ZNF184: variants seen among roughly 807,000 people sequenced by gnomAD.
The protein encoded by ZNF184 is zinc finger protein 184 (Kruppel-like).
Under a neutral mutation model 54.4 loss-of-function variants are expected in ZNF184, and 16 were observed. That is an observed-to-expected ratio of 0.29 (90% CI 0.20 to 0.45). The LOEUF is 0.45. ZNF184 is among the 20% of genes least tolerant of loss of function. The pLI, the probability that ZNF184 is intolerant of heterozygous loss-of-function variation, is 1.00. For synonymous variants in ZNF184, 254 were observed against 295.3 expected (o/e 0.86, Z 1.43); for missense variants, 681 against 888.2 (o/e 0.77, Z 2.97).
chr6:27,428,379 G>A, the ZNF184 span, among the ~76,000 whole-genome samples: 1 of 152,140 alleles, frequency 6.6e-6, no homozygotes. This position sits in a 1 kb window ranked among gnomAD's most constrained non-coding sequence, Gnocchi z 4.1. Flanking sequence ...AAATCACCAT[G>A]CACACGTTTA....
Position 27,452,660 on chromosome 6 carries a change from T to C in ZNF184, c.899A>G (p.His300Arg), listed in dbSNP as rs1319292157. Reference protein sequence around the residue: ...GPSLTQHQRIHTGEKPYKCDE... With the variant: ...GPSLTQHQRIRTGEKPYKCDE... ...ACATTTATATGGTTTTTCTCCAGTA[T>C]GAATTCTTTGATGTTGAGTAAGAGA... is the stretch of plus-strand genomic sequence containing the variant. Residue 300 changes from histidine to arginine, a missense_variant, in exon 6 of 6, where the codon CAT becomes CGT. By Grantham distance (29) the His-to-Arg change is conservative. Coordinates refer to ENST00000683788, the MANE Select transcript of ZNF184 (RefSeq NM_001318891.2). This position sits in a 1 kb window ranked among gnomAD's most constrained non-coding sequence, Gnocchi z 5.5. 8 of 1,613,876 alleles carry C rather than the reference T, an allele frequency of 5.0e-6. No individual in the cohort carries two copies. Among genetic ancestry groups the C allele is most frequent in the Non-Finnish European group, 6.8e-6 (8 of 1,179,988 alleles).
At chr6:27,405,170 T>C in the ZNF184 span, 1 of 152,116 alleles carries the variant, frequency 6.6e-6, no homozygotes. Context: ...TATTTTAGAG[T>C]GTACTTCTAC....
At chr6:27,450,291 T>C (rs1156820699), downstream of ZNF184, among the ~76,000 whole-genome samples, 1 of 152,202 alleles carries the variant, frequency 6.6e-6, no homozygotes, top group African/African-American at 2.4e-5. Flanking sequence ...CCAGGTGTTA[T>C]GGACTTAATA....
the ZNF184 span, among the ~76,000 whole-genome samples, chr6:27,417,538 C>T: frequency 6.6e-6 from 1 of 152,120 alleles, no homozygotes; most frequent in Non-Finnish European, 1.5e-5. Flanking sequence ...GACCTTGGCT[C>T]AGAACTTTGA....
At position 27,450,991 on chromosome 6, in the gene ZNF184, C is replaced by A; in HGVS notation, c.*312G>T. The A allele has an allele frequency of 4.3e-6, 1 of 232,144 alleles. No homozygotes were observed. Among genetic ancestry groups the A allele is most frequent in the Non-Finnish European group, 8.3e-6 (1 of 120,418 alleles). The allele number at this position is 232,144 out of a possible 1,614,324, so 14.4% of individuals were successfully genotyped here. A position where few individuals can be genotyped will look rare whatever the true frequency, so the allele number is the denominator to read the frequency against. On this transcript the variant is annotated 3_prime_UTR_variant, in exon 6 of 6. Transcript: ENST00000683788. ...CAGCAAAATGCTGATGTATAGTAAA[C>A]CCATTCAAGAAAATATTGTAAATAT... is the stretch of plus-strand genomic sequence containing the variant.
chr6:27,470,694 A>G (rs976475054), intron 2 of ZNF184, among the ~76,000 whole-genome samples: 12 of 152,218 alleles, frequency 7.9e-5, no homozygotes, highest in African/African-American at 2.7e-4. Flanking sequence ...ACAGCAACCA[A>G]CAGAACCAAA....
At chr6:27,412,191 G>A in the ZNF184 span, among the ~76,000 whole-genome samples, 2 of 152,164 alleles carry the variant, frequency 1.3e-5, 1 homozygote, top group East Asian at 3.8e-4. Flanking sequence ...TCCTGGAACT[G>A]GCCAGCATCT....
rs1338173382 is a variant in ZNF184 at position 27,452,103 on chromosome 6, A to G, written c.1456T>C (p.Cys486Arg). 3.1e-6 allele frequency: 5 copies of G among 1,614,004 alleles called. No homozygotes were observed. The Admixed American group carries it at 6.7e-5, about 22-fold the overall frequency. ...CNECGKAFSY[C>R]SSLTQHRRIH... ...CTCCGATGTTGAGTAAGGGATGAGC[A>G]GTAACTGAAGGCCTTTCCACATTCA... The change falls in exon 6 of 6, where the codon TGC (cysteine) becomes CGC (arginine). Residue 486 changes from cysteine to arginine, a missense_variant. By Grantham distance (180) the Cys-to-Arg change is radical. Transcript: ENST00000683788. This position sits in a 1 kb window ranked among gnomAD's most constrained non-coding sequence, Gnocchi z 5.5.
At chr6:27,437,629 A>G in the ZNF184 span, among the ~76,000 whole-genome samples, 2 of 152,218 alleles carry the variant, frequency 1.3e-5, no homozygotes, top group African/African-American at 4.8e-5. Context: ...TTTAAGCCAC[A>G]AAGTTTGTAG....
At chr6:27,408,085 A>G in the ZNF184 span, 27 of 767,026 alleles carry the variant, frequency 3.5e-5, no homozygotes, top group East Asian at 6.7e-4. Flanking sequence ...ACTCATTTCT[A>G]ACTACTGCTG....
chr6:27,435,503 T>C, the ZNF184 span, among the ~76,000 whole-genome samples: 1 of 152,240 alleles, frequency 6.6e-6, no homozygotes, highest in South Asian at 2.1e-4. Flanking sequence ...ATTCTGCAAC[T>C]TTGCTGAATT....
At chr6:27,445,421 G>T in the ZNF184 span, among the ~76,000 whole-genome samples, 2 of 152,144 alleles carry the variant, frequency 1.3e-5, no homozygotes, top group Non-Finnish European at 2.9e-5. Flanking sequence ...CCATTGTGAC[G>T]GTAATAAGAG....
At chr6:27,405,958 G>A in the ZNF184 span, 1 of 152,178 alleles carries the variant, frequency 6.6e-6, no homozygotes, top group African/African-American at 2.4e-5. Flanking sequence ...CACCCAGAGG[G>A]CTTATGTCAT....
chr6:27,422,157 A>T, the ZNF184 span, among the ~76,000 whole-genome samples: 1 of 32,760 alleles, frequency 3.1e-5, no homozygotes, highest in East Asian at 8.6e-4. Flanking sequence ...AAAAAGAAAG[A>T]AAGAAAGAAA....
chr6:27,407,983 A>G, the ZNF184 span: 1 of 1,494,986 alleles, frequency 6.7e-7, no homozygotes, highest in East Asian at 2.3e-5. Context: ...GAATTTGCAA[A>G]ATCACTGCAG....
rs1383249217 is a variant in ZNF184 at position 27,452,033 on chromosome 6, T to C, written c.1526A>G (p.Lys509Arg). ...EKPFECSECG[K>R]AFSYLSNLNQ... Reference sequence around the variant, plus strand: ...AAGGTTTGAGAGATAACTGAAAGCCTTTCCACATTCACTGCATTCAAAGGG... The same window carrying C: ...AAGGTTTGAGAGATAACTGAAAGCCCTTCCACATTCACTGCATTCAAAGGG... The change falls in exon 6 of 6, where the codon AAG (lysine) becomes AGG (arginine). Residue 509 changes from lysine to arginine, a missense_variant. By Grantham distance (26) the Lys-to-Arg change is conservative. Coordinates refer to ENST00000683788, the MANE Select transcript of ZNF184 (RefSeq NM_001318891.2). The surrounding 1 kb of genome is among the most constrained non-coding windows in gnomAD (Gnocchi z 5.5). The C allele has an allele frequency of 1.2e-6, 2 of 1,614,048 alleles. No individual in the cohort carries two copies. Among genetic ancestry groups the C allele is most frequent in the Non-Finnish European group, 1.7e-6 (2 of 1,180,024 alleles).
the ZNF184 span, among the ~76,000 whole-genome samples, chr6:27,426,905 C>T: frequency 6.6e-6 from 1 of 152,042 alleles, no homozygotes; most frequent in Non-Finnish European, 1.5e-5. The surrounding 1 kb of genome is among the most constrained non-coding windows in gnomAD (Gnocchi z 4.2). Flanking sequence ...CTGAATATGA[C>T]AACATAGTCT....
chr6:27,412,246 G>T, the ZNF184 span, among the ~76,000 whole-genome samples: 1 of 152,178 alleles, frequency 6.6e-6, no homozygotes, highest in African/African-American at 2.4e-5. Flanking sequence ...GGGCCACACG[G>T]TTCCACAGTT....
At chr6:27,464,961 G>A (rs1220307667) in intron 3 of ZNF184, among the ~76,000 whole-genome samples, 2 of 143,058 alleles carry the variant, frequency 1.4e-5, no homozygotes, top group Non-Finnish European at 3.0e-5. Context: ...AGCTTGCAGT[G>A]AGCCGAGATC....
Sources: allele counts gnomAD v4.1 joint callset (sites outside exome capture counted in the v4.1 genomes callset), GRCh38; gene constraint gnomAD v4.1.1; non-coding constraint Gnocchi (gnomAD v3.1); transcripts MANE v1.5; gene names NCBI Gene and HGNC (gene_info 2026-07-23, HGNC 2026-07-21).